The following CTNNA1 variants were observed in gnomAD, a reference collection of about 807,000 sequenced individuals.
CTNNA1 encodes catenin alpha 1, also known as catenin alpha-1.
Under a neutral mutation model 98.4 loss-of-function variants are expected in CTNNA1, and 37 were observed. The observed-to-expected ratio is 0.38, with a 90% CI of 0.29 to 0.49. CTNNA1 has a LOEUF of 0.49. CTNNA1 is among the 20% of genes least tolerant of loss of function. The pLI is 0.95. For missense variants in CTNNA1, 761 were observed against 1,147.2 expected (o/e 0.66, Z 4.86); for synonymous variants, 404 against 413.2 (o/e 0.98, Z 0.27).
chr5:138,875,453 A>G, intron 7 of CTNNA1: 1 of 985,570 alleles, frequency 1.0e-6, no homozygotes, highest in Non-Finnish European at 1.2e-6. Context: ...ATGCTTTGTA[A>G]CAGCATCGGG....
chr5:138,925,379 A>G lies in CTNNA1; in HGVS notation c.1871A>G (p.Asp624Gly). 6.2e-7 allele frequency: 1 copy of G among 1,614,188 alleles called. No individual in the cohort carries two copies. Among genetic ancestry groups the G allele is most frequent in the Non-Finnish European group, 8.5e-7 (1 of 1,180,048 alleles). The change falls in exon 13 of 18, where the codon GAC becomes GGC. Residue 624 changes from aspartate (D) to glycine (G), a missense_variant. Physicochemically the swap from Asp to Gly is moderately conservative, Grantham distance 94 (BLOSUM62 -1). Transcript: ENST00000302763. Reference protein sequence around the residue: ...ASRLVYDGIRDIRKAVLMIRT... With the variant: ...ASRLVYDGIRGIRKAVLMIRT... The stretch of plus-strand genomic sequence containing the variant: ...CGCCTGGTATATGATGGCATCCGGG[A>G]CATCAGGAAAGCAGTGCTGATGATA...
rs200873942 is a variant in CTNNA1, at chr5:138,824,690, A to G, written c.749A>G (p.Gln250Arg). The change falls in exon 6 of 18, where the codon CAG becomes CGG. Residue 250 changes from glutamine to arginine, a missense_variant. Gln to Arg is a conservative substitution (Grantham distance 43). Transcript: ENST00000302763. ...NRDLIYKQLQ[Q>R]AVTGISNAAQ... ...GACCTGATATACAAGCAGCTGCAGC[A>G]GGCGGTCACAGGCATTTCCAATGCA... 6.2e-7 allele frequency: 1 copy of G among 1,614,252 alleles called. No individual in the cohort carries two copies. The highest frequency in any genetic ancestry group is 1.3e-5 in the African/African-American group (1 of 75,066).
chr5:138,786,295 G>A, intron 3 of CTNNA1, among the ~76,000 whole-genome samples: 1 of 151,854 alleles, frequency 6.6e-6, no homozygotes, highest in East Asian at 1.9e-4. Context: ...TTTTTTCTTT[G>A]GAGAATCTTA....
chr5:138,916,919 C>T (rs916548701), intron 10 of CTNNA1, among the ~76,000 whole-genome samples: 7 of 151,868 alleles, frequency 4.6e-5, no homozygotes, highest in African/African-American at 1.2e-4. Flanking sequence ...GAATTACAGG[C>T]GTGTGCCACC....
At position 138,872,778 on chromosome 5, in the gene CTNNA1, T is replaced by C. The variant is rs3804197; in HGVS notation, c.1063-13434T>C. The C allele has an allele frequency of 2.8e-3, 1,166 of 417,358 alleles. 46 individuals are homozygous for C. In the East Asian group the frequency reaches 0.044, roughly 16 times the overall value. 25.9% of individuals were successfully genotyped at this position (417,358 alleles called of 1,614,324 possible). A position where few individuals can be genotyped will look rare whatever the true frequency, so the allele number is the denominator to read the frequency against. ...TACATTTCTTATTTTGAAGTAAGCATTTTAGACTTTCCAACAGGAGTGCAA... is the reference window on the plus strand; with the variant it reads ...TACATTTCTTATTTTGAAGTAAGCACTTTAGACTTTCCAACAGGAGTGCAA... On this transcript the variant is annotated intron_variant, in intron 7 of 17. Coordinates refer to ENST00000302763, the MANE Select transcript of CTNNA1 (RefSeq NM_001903.5).
intron 7 of CTNNA1, among the ~76,000 whole-genome samples, chr5:138,860,086 T>TA (rs1246409880): frequency 2.6e-5 from 4 of 152,186 alleles, no homozygotes; most frequent in Non-Finnish European, 5.9e-5. Context: ...GGTGAGATCT[T>TA]AAAAATATTA....
intron 3 of CTNNA1, among the ~76,000 whole-genome samples, chr5:138,791,577 G>A (rs1245639839): frequency 7.6e-6 from 1 of 131,180 alleles, no homozygotes; most frequent in Non-Finnish European, 1.5e-5. Flanking sequence ...AGATTGCACC[G>A]CTGTGCTCCA....
chr5:138,839,426 C>G (rs181751795), intron 7 of CTNNA1, among the ~76,000 whole-genome samples: 6 of 152,196 alleles, frequency 3.9e-5, no homozygotes, highest in Non-Finnish European at 7.4e-5. Flanking sequence ...GTCTCTAACT[C>G]CTGACCTCAG....
chr5:138,898,279 T>G (rs1219635325), intron 9 of CTNNA1, among the ~76,000 whole-genome samples: 1 of 151,890 alleles, frequency 6.6e-6, no homozygotes, highest in Non-Finnish European at 1.5e-5. Flanking sequence ...CTACTATGCT[T>G]TCTGTACAGC....
At chr5:138,917,644 G>T in intron 10 of CTNNA1, 98 bp from the exon 11 acceptor site, 1 of 1,224,858 alleles carries the variant, frequency 8.2e-7, no homozygotes, top group Non-Finnish European at 1.2e-6. Flanking sequence ...TGATAGTTAG[G>T]ATAGAGCATG....
At chr5:138,843,667 T>C (rs1303576522) in intron 7 of CTNNA1, among the ~76,000 whole-genome samples, 1 of 152,228 alleles carries the variant, frequency 6.6e-6, no homozygotes, top group African/African-American at 2.4e-5. Flanking sequence ...AGTGAACTTA[T>C]GGCTGAGTAG....
intron 10 of CTNNA1, among the ~76,000 whole-genome samples, chr5:138,907,315 C>T (rs1340274186): frequency 3.9e-5 from 6 of 152,206 alleles, no homozygotes; most frequent in South Asian, 2.1e-4. Flanking sequence ...CCACCACGCC[C>T]GGCCCCCTAC....
At chr5:138,826,228 G>T (rs1180718049) in intron 6 of CTNNA1, among the ~76,000 whole-genome samples, 4 of 152,184 alleles carry the variant, frequency 2.6e-5, no homozygotes, top group African/African-American at 9.7e-5. Context: ...AAAACTGAGG[G>T]TTCTTTGGAA....
intron 3 of CTNNA1, among the ~76,000 whole-genome samples, chr5:138,801,088 A>T (rs1434759609): frequency 6.6e-6 from 1 of 152,192 alleles, no homozygotes; most frequent in Non-Finnish European, 1.5e-5. Flanking sequence ...TCAGGTGGAG[A>T]TGATTAGCAT....
Position 138,781,930 on chromosome 5 carries a change from T to G in CTNNA1, c.6T>G (p.Thr2=), listed in dbSNP as rs2149651736. M[T]AVHAGNINFK... ...TTTTTGTTTCTTATTTAGAAATGAC[T>G]GCTGTCCATGCAGGCAACATAAACT... is the stretch of plus-strand genomic sequence containing the variant. The change falls in exon 2 of 18, where the codon ACT becomes ACG. Residue 2 remains threonine, a synonymous_variant. Transcript: ENST00000302763. 1 of 1,583,100 alleles carries G rather than the reference T, an allele frequency of 6.3e-7. No individual in the cohort carries two copies. Among genetic ancestry groups the G allele is most frequent in the Non-Finnish European group, 8.5e-7 (1 of 1,172,662 alleles).
intron 17 of CTNNA1, chr5:138,933,037 G>C (rs1363798875): frequency 1.3e-6 from 1 of 757,446 alleles, no homozygotes; most frequent in East Asian, 2.4e-5. Context: ...GGGAGGCTGA[G>C]ACACAATAAT....
intron 7 of CTNNA1, among the ~76,000 whole-genome samples, chr5:138,885,604 A>G: frequency 6.6e-6 from 1 of 152,186 alleles, no homozygotes; most frequent in East Asian, 1.9e-4. Context: ...AAGAGTGACT[A>G]GCGGGTTCTT....
chr5:138,764,538 C>G (rs1268452530), intron 1 of CTNNA1, among the ~76,000 whole-genome samples: 1 of 151,462 alleles, frequency 6.6e-6, no homozygotes, highest in East Asian at 2.0e-4. Flanking sequence ...GTGGCATGAT[C>G]TCAGTTGACC....
rs1755163761 is a variant in CTNNA1, at chr5:138,781,998, T to C, written c.74T>C (p.Val25Ala). 7 of 1,608,420 alleles carry C rather than the reference T, an allele frequency of 4.4e-6. No individual in the cohort carries two copies. The highest frequency in any genetic ancestry group is 5.9e-6 in the Non-Finnish European group (7 of 1,178,856). Residue 25 changes from valine (V) to alanine (A), a missense_variant, in exon 2 of 18, where the codon GTT (valine) becomes GCT (alanine). By Grantham distance (64) the Val-to-Ala change is moderately conservative. Coordinates refer to ENST00000302763, the MANE Select transcript of CTNNA1 (RefSeq NM_001903.5). ...AGTCTAGAGATCAGGACTCTGGCAG[T>C]TGAGAGACTGTTGGAGCCTCTTGTT... ...PKSLEIRTLA[V>A]ERLLEPLVTQ...
Sources: gnomAD v4.1 joint callset for allele counts (sites outside exome capture counted in the v4.1 genomes callset) on GRCh38, gnomAD v4.1.1 for gene constraint, MANE v1.5 for transcripts, NCBI Gene and HGNC (gene_info 2026-07-23, HGNC 2026-07-21) for gene names.